The following ASPH variants were observed in gnomAD, a reference collection of about 807,000 sequenced individuals.
ASPH encodes aspartate beta-hydroxylase, also known as aspartyl/asparaginyl beta-hydroxylase.
A neutral mutation model predicts 118.4 loss-of-function variants in ASPH; 100 were observed. The observed-to-expected ratio is 0.84, with a 90% CI of 0.72 to 1.00. The LOEUF (loss-of-function observed/expected upper bound fraction) is 1.00. Among genes scored for constraint, ASPH ranks in the 50% least tolerant of loss-of-function variants. The pLI is 0.00. For missense variants in ASPH, 920 were observed against 919.5 expected, an observed-to-expected ratio of 1.00 and a Z score of -0.01; for synonymous variants, 315 against 325.6, an observed-to-expected ratio of 0.97 and a Z score of 0.35.
intron 14 of ASPH, among the ~76,000 whole-genome samples, chr8:61,608,249 T>A (rs1023777772): frequency 3.9e-5 from 6 of 152,218 alleles, no homozygotes; most frequent in Admixed American, 2.6e-4. Context: ...TTAGTCCTGA[T>A]TAAAATTTGC....
chr8:61,518,265 A>C (rs1811623442), intron 22 of ASPH, 142 bp from the exon 23 acceptor site: 2 of 670,456 alleles, frequency 3.0e-6, no homozygotes. Flanking sequence ...GTAGGAATGC[A>C]AAAGGCTTAT....
intron 14 of ASPH, among the ~76,000 whole-genome samples, chr8:61,601,639 T>G (rs1211552349): frequency 6.7e-6 from 1 of 149,472 alleles, no homozygotes; most frequent in African/African-American, 2.5e-5. Flanking sequence ...TCAAGGTACA[T>G]ATTGATAATT....
intron 16 of ASPH, among the ~76,000 whole-genome samples, chr8:61,571,728 T>C (rs987885369): frequency 6.6e-6 from 1 of 152,224 alleles, no homozygotes; most frequent in Non-Finnish European, 1.5e-5. Flanking sequence ...ATATTACATA[T>C]AAGGAAAACT....
chr8:61,529,890 C>T (rs1260853961), intron 21 of ASPH, among the ~76,000 whole-genome samples: 1 of 152,218 alleles, frequency 6.6e-6, no homozygotes, highest in African/African-American at 2.4e-5. Context: ...TAATCTCATT[C>T]ATGAATGTTT....
intron 14 of ASPH, among the ~76,000 whole-genome samples, chr8:61,615,127 CCACTCTGGTCTCATG>C (rs975429245): frequency 3.3e-5 from 5 of 152,184 alleles, no homozygotes; most frequent in African/African-American, 1.2e-4. Flanking sequence ...GAACCCTTGA[CCACTCTGGTCTCATG>C]CACTCCTGCA....
At chr8:61,627,506 G>A (rs1004226327) in intron 13 of ASPH, among the ~76,000 whole-genome samples, 3 of 152,092 alleles carry the variant, frequency 2.0e-5, no homozygotes, top group Non-Finnish European at 2.9e-5. Flanking sequence ...TGAGTAACGG[G>A]TACGAGTATA....
At position 61,548,188 on chromosome 8, in the gene ASPH, A is replaced by G. The variant is rs1197917835; in HGVS notation, c.1647T>C (p.Leu549=). 2 of 1,613,706 alleles carry G rather than the reference A, an allele frequency of 1.2e-6. No homozygotes were observed. Among genetic ancestry groups the G allele is most frequent in the Admixed American group, 1.7e-5 (1 of 59,952 alleles). ...GNKEAYKWYE[L]GHKRGHFASV... The stretch of plus-strand genomic sequence containing the variant: ...ATGCAAAGTGTCCTCTCTTGTGCCC[A>G]AGCTCATACCACTTATATGCCTGAA... The change falls in exon 21 of 25, where the codon CTT becomes CTC. Residue 549 remains leucine, a synonymous_variant. Transcript: ENST00000379454.
At chr8:61,628,307 G>A (rs918129986) in intron 13 of ASPH, 11 of 350,104 alleles carry the variant, frequency 3.1e-5, no homozygotes, top group South Asian at 6.8e-5. Context: ...CTACAGGCAC[G>A]TGACACCAAG....
At chr8:61,517,306 C>T (rs540983623) in intron 24 of ASPH, 46 of 545,738 alleles carry the variant, frequency 8.4e-5, no homozygotes, top group Admixed American at 2.7e-4. Flanking sequence ...AGTACTCTGC[C>T]GAGAAATAAT....
chr8:61,583,862 A>AC, intron 15 of ASPH, 82 bp downstream of exon 15: 1 of 829,362 alleles, frequency 1.2e-6, no homozygotes, highest in Non-Finnish European at 1.8e-6. Context: ...TACACTTACT[A>AC]TTTTTTTTTT....
chr8:61,514,541 C>G (rs901842437), intron 24 of ASPH, among the ~76,000 whole-genome samples: 29 of 152,134 alleles, frequency 1.9e-4, no homozygotes, highest in Non-Finnish European at 3.5e-4. Flanking sequence ...AACCCCGTCT[C>G]TACTAAAAAT....
intron 21 of ASPH, among the ~76,000 whole-genome samples, chr8:61,526,919 C>A (rs1472246513): frequency 6.6e-6 from 1 of 152,178 alleles, no homozygotes; most frequent in Non-Finnish European, 1.5e-5. Flanking sequence ...GGATTTCCAT[C>A]AGGAGACAAG....
chr8:61,577,417 A>AAAG (rs1168698648), intron 15 of ASPH, among the ~76,000 whole-genome samples: 71 of 149,586 alleles, frequency 4.7e-4, no homozygotes, highest in Non-Finnish European at 8.8e-4. Flanking sequence ...AAAAAAAAAA[A>AAAG]AAAAAAGACA....
chr8:61,624,498 A>C (rs1227564017), intron 13 of ASPH: 5 of 967,164 alleles, frequency 5.2e-6, no homozygotes, highest in African/African-American at 1.8e-5. Context: ...TATGTAACAA[A>C]TTAAAAATAC....
At chr8:61,584,587 T>A (rs1838682503) in intron 14 of ASPH, among the ~76,000 whole-genome samples, 1 of 152,136 alleles carries the variant, frequency 6.6e-6, no homozygotes, top group Admixed American at 6.5e-5. Context: ...ATAAGCTTTT[T>A]GTGCCATTTC....
intron 2 of ASPH, among the ~76,000 whole-genome samples, chr8:61,682,101 T>C (rs1454615724): frequency 2.0e-5 from 3 of 151,974 alleles, no homozygotes. Flanking sequence ...AATCTTTATC[T>C]CCCCAGAGCC....
chr8:61,567,272 C>T lies in ASPH; in HGVS notation c.1196G>A (p.Arg399His), dbSNP rs539672078. ...CTCTTGGTAGGTCTCGATGGCTCCA[C>T]GTAGCACCTCATTACTTCTCCTCTT... ...AEKRRSNEVL[R>H]GAIETYQEVA... The change falls in exon 17 of 25, where the codon CGT becomes CAT. Residue 399 changes from arginine to histidine, a missense_variant. Coordinates refer to ENST00000379454, the MANE Select transcript of ASPH (RefSeq NM_004318.4). The T allele has an allele frequency of 2.6e-5, 42 of 1,614,092 alleles. No homozygotes were observed. Among genetic ancestry groups the T allele is most frequent in the Middle Eastern group, 1.6e-4 (1 of 6,062 alleles).
intron 24 of ASPH, among the ~76,000 whole-genome samples, chr8:61,509,763 G>C (rs547348187): frequency 6.6e-6 from 1 of 152,216 alleles, no homozygotes; most frequent in East Asian, 1.9e-4. Context: ...TCCAGTTCCA[G>C]GGTAGGGGCA....
chr8:61,707,709 G>C (rs1288236797), intron 1 of ASPH, among the ~76,000 whole-genome samples: 1 of 152,150 alleles, frequency 6.6e-6, no homozygotes, highest in Non-Finnish European at 1.5e-5. Flanking sequence ...TAAATGAAAA[G>C]CAAGGCATAT....
Sources: allele counts gnomAD v4.1 joint callset (sites outside exome capture counted in the v4.1 genomes callset), GRCh38; gene constraint gnomAD v4.1.1; transcripts MANE v1.5; gene names NCBI Gene and HGNC (gene_info 2026-07-23, HGNC 2026-07-21).